The following CEP170 variants were observed in gnomAD, a reference collection of about 807,000 sequenced individuals.
CEP170 encodes centrosomal protein of 170 kDa.
In CEP170, 21 loss-of-function variants were observed where a neutral mutation model predicts 151.9. The observed-to-expected ratio is 0.14, with a 90% CI of 0.10 to 0.20. The LOEUF is 0.20. Ranked by LOEUF, CEP170 falls within the 10% of genes least tolerant of loss-of-function variation. CEP170 has a pLI of 1.00. For synonymous variants in CEP170, 356 were observed against 648.8 expected (o/e 0.55, Z 6.86); for missense variants, 964 against 1,892.9 (o/e 0.51, Z 9.11).
Position 243,225,334 on chromosome 1 carries a change from A to G in CEP170, c.-41-13T>C. On this transcript the variant is annotated splice_polypyrimidine_tract_variant and intron_variant, in intron 1 of 19. Coordinates refer to ENST00000366542, the MANE Select transcript of CEP170 (RefSeq NM_014812.3). ...AAGCTACGTCATCCTGAAGAGAAACATGAAGAAAAATATACGTTCAGATAT... is the reference window on the plus strand; with the variant it reads ...AAGCTACGTCATCCTGAAGAGAAACGTGAAGAAAAATATACGTTCAGATAT... The G allele has an allele frequency of 9.3e-7, 1 of 1,079,048 alleles. No individual in the cohort carries two copies. The highest frequency in any genetic ancestry group is 1.3e-6 in the Non-Finnish European group (1 of 758,328). The allele number at this position is 1,079,048 out of a possible 1,614,324, so 66.8% of individuals were successfully genotyped here.
chr1:243,173,943 A>G (rs1247169226), intron 10 of CEP170, among the ~76,000 whole-genome samples: 1 of 152,184 alleles, frequency 6.6e-6, no homozygotes, highest in Non-Finnish European at 1.5e-5. Flanking sequence ...ACATTTAGGC[A>G]TGAAATTTTC....
At chr1:243,145,106 A>T in intron 14 of CEP170, among the ~76,000 whole-genome samples, 1 of 152,096 alleles carries the variant, frequency 6.6e-6, no homozygotes, top group African/African-American at 2.4e-5. Context: ...GTATATTGGA[A>T]GATTAAAGGA....
chr1:243,145,783 C>G (rs976459739), intron 14 of CEP170, among the ~76,000 whole-genome samples: 10 of 152,162 alleles, frequency 6.6e-5, no homozygotes, highest in African/African-American at 2.4e-4. Context: ...GTTACTTTAA[C>G]ATGGGCTAAG....
chr1:243,179,453 C>T lies in CEP170; in HGVS notation c.1566+6326G>A, dbSNP rs375858443. 6.6e-4 allele frequency among the ~76,000 whole-genome samples: 100 copies of T among 152,296 alleles called. 2 individuals carry two copies. The South Asian group carries it at 0.02, about 31-fold the overall frequency. ...CAAAATTTATACATTTCTTCTTCTT[C>T]TGAGACTATCTATCTTTGCTGCTTT... On this transcript the variant is annotated intron_variant, in intron 10 of 19. Coordinates refer to ENST00000366542, the MANE Select transcript of CEP170 (RefSeq NM_014812.3).
At chr1:243,218,586 C>A (rs1356185842) in intron 3 of CEP170, among the ~76,000 whole-genome samples, 2 of 152,058 alleles carry the variant, frequency 1.3e-5, no homozygotes, top group Non-Finnish European at 2.9e-5. Context: ...TGAAAGGGGA[C>A]AGGAGTGGAA....
At chr1:243,151,317 TCTTA>T (rs1484260673) in intron 14 of CEP170, among the ~76,000 whole-genome samples, 1 of 150,446 alleles carries the variant, frequency 6.6e-6, no homozygotes, top group Non-Finnish European at 1.5e-5. Flanking sequence ...TTAAATTCTG[TCTTA>T]CTATTCTGGC....
At chr1:243,190,928 C>G in intron 8 of CEP170, 90 bp downstream of exon 8, 1 of 1,439,354 alleles carries the variant, frequency 6.9e-7, no homozygotes, top group Non-Finnish European at 9.2e-7. Context: ...ATGTTTTCTA[C>G]CATGTAAGTA....
intron 13 of CEP170, among the ~76,000 whole-genome samples, chr1:243,162,815 G>A (rs2058167558): frequency 6.6e-6 from 1 of 152,206 alleles, no homozygotes; most frequent in Admixed American, 6.5e-5. Context: ...AGGAAATGCA[G>A]CACAGATGAA....
chr1:243,214,429 G>A (rs751089194), intron 3 of CEP170, among the ~76,000 whole-genome samples: 15 of 151,578 alleles, frequency 9.9e-5, no homozygotes, highest in Non-Finnish European at 2.9e-5. Context: ...GGGATTACAG[G>A]CACCTGCCGC....
chr1:243,149,510 T>C (rs534566500), intron 14 of CEP170, among the ~76,000 whole-genome samples: 1 of 152,286 alleles, frequency 6.6e-6, no homozygotes, highest in East Asian at 1.9e-4. Flanking sequence ...ACTCTTGCTG[T>C]TTGGATCTGA....
At chr1:243,133,719 G>C (rs1219005030) in intron 17 of CEP170, among the ~76,000 whole-genome samples, 1 of 152,158 alleles carries the variant, frequency 6.6e-6, no homozygotes, top group African/African-American at 2.4e-5. Context: ...ATAGGTGAAT[G>C]GGTTGTACGG....
At chr1:243,196,330 CA>C (rs1228742956) in intron 7 of CEP170, among the ~76,000 whole-genome samples, 2 of 151,960 alleles carry the variant, frequency 1.3e-5, no homozygotes, top group African/African-American at 4.8e-5. Flanking sequence ...GTGACTTTGA[CA>C]AGTAAATTAA....
intron 17 of CEP170, among the ~76,000 whole-genome samples, chr1:243,133,077 T>A (rs1207325768): frequency 6.6e-6 from 1 of 152,234 alleles, no homozygotes. Flanking sequence ...ATCTCTCTAG[T>A]GTCATCTCTC....
intron 1 of CEP170, among the ~76,000 whole-genome samples, chr1:243,225,797 CT>C (rs2063172758): frequency 6.6e-6 from 1 of 152,010 alleles, no homozygotes; most frequent in South Asian, 2.1e-4. Flanking sequence ...GCTCTTTTGT[CT>C]ATCAGGTGTA....
chr1:243,157,437 T>C (rs1169428154), intron 13 of CEP170, among the ~76,000 whole-genome samples: 6 of 152,200 alleles, frequency 3.9e-5, no homozygotes, highest in African/African-American at 9.7e-5. Context: ...GCAGGAACCA[T>C]GTCTGTTTAA....
chr1:243,133,078 G>A (rs2054607053), intron 17 of CEP170, among the ~76,000 whole-genome samples: 1 of 152,176 alleles, frequency 6.6e-6, no homozygotes, highest in South Asian at 2.1e-4. Context: ...TCTCTCTAGT[G>A]TCATCTCTCA....
intron 1 of CEP170, among the ~76,000 whole-genome samples, chr1:243,231,862 C>T (rs1304018136): frequency 6.6e-6 from 1 of 152,204 alleles, no homozygotes; most frequent in Non-Finnish European, 1.5e-5. Flanking sequence ...GTAATTCCAG[C>T]ACTTCATTTA....
intron 14 of CEP170, among the ~76,000 whole-genome samples, chr1:243,147,038 T>C (rs929416169): frequency 2.0e-5 from 3 of 152,114 alleles, no homozygotes; most frequent in Non-Finnish European, 4.4e-5. Flanking sequence ...CTACGAAGCA[T>C]GAATGCTTAG....
chr1:243,229,017 CT>C (rs1438328558), intron 1 of CEP170, among the ~76,000 whole-genome samples: 2 of 152,208 alleles, frequency 1.3e-5, no homozygotes, highest in Non-Finnish European at 2.9e-5. Flanking sequence ...CAGGAAGCTA[CT>C]GTCTGTTTTT....
Sources: allele counts gnomAD v4.1 joint callset (sites outside exome capture counted in the v4.1 genomes callset), GRCh38; gene constraint gnomAD v4.1.1; transcripts MANE v1.5; gene names NCBI Gene and HGNC (gene_info 2026-07-23, HGNC 2026-07-21).